WWC1: variants seen among roughly 807,000 people sequenced by gnomAD.
WWC1 encodes the protein protein KIBRA.
In WWC1, 55 loss-of-function variants were observed where a neutral mutation model predicts 138.4. The ratio of observed to expected loss-of-function variants is 0.40; its 90% CI spans 0.32 to 0.50. The LOEUF (loss-of-function observed/expected upper bound fraction) is 0.50, where lower values mean the gene tolerates loss of function less well. WWC1 is among the 20% of genes least tolerant of loss of function. The pLI, the probability that WWC1 is intolerant of heterozygous loss-of-function variation, is 0.72. For missense variants in WWC1, 1,226 were observed against 1,420.4 expected (o/e 0.86, Z 2.20); for synonymous variants, 524 against 564.9 (o/e 0.93, Z 1.03).
chr5:168,404,089 G>C (rs1363650277), intron 5 of WWC1, among the ~76,000 whole-genome samples: 1 of 152,126 alleles, frequency 6.6e-6, no homozygotes, highest in East Asian at 1.9e-4. Flanking sequence ...ATCAGGTAGA[G>C]GCTGTTGGAG....
intron 1 of WWC1, among the ~76,000 whole-genome samples, chr5:168,367,541 G>A (rs1163198669): frequency 1.1e-5 from 1 of 89,726 alleles, no homozygotes; most frequent in African/African-American, 3.8e-5. Context: ...CCGTGGTCTC[G>A]ATCTCCTGAC....
intron 2 of WWC1, 21 bp downstream of exon 2, chr5:168,371,554 C>T (rs375997581): frequency 2.9e-5 from 46 of 1,582,460 alleles, no homozygotes; most frequent in Non-Finnish European, 4.0e-5. Context: ...GACGGTCCTC[C>T]CTTCCCTGTG....
chr5:168,348,262 G>A (rs1376670343), intron 1 of WWC1, among the ~76,000 whole-genome samples: 9 of 152,192 alleles, frequency 5.9e-5, no homozygotes, highest in African/African-American at 2.2e-4. Context: ...GTGTGTGCAC[G>A]GGTGTGTGCA....
rs1279932312 is a variant in WWC1 at position 168,423,820 on chromosome 5, T to C, written c.1562T>C (p.Leu521Pro). 6.2e-7 allele frequency: 1 copy of C among 1,614,176 alleles called. No homozygotes were observed. The highest frequency in any genetic ancestry group is 1.1e-5 in the South Asian group (1 of 91,082). The change falls in exon 11 of 23, where the codon CTG (leucine) becomes CCG (proline). Residue 521 changes from leucine (L) to proline (P), a missense_variant. By Grantham distance (98) the Leu-to-Pro change is moderately conservative. Transcript: ENST00000265293. The stretch of plus-strand genomic sequence containing the variant: ...GAGGGAGGTGGCCGCCTGCAGGCTC[T>C]GCGTTCCCTGTCTGGCACCCCAAAG... ...KAEGGGRLQA[L>P]RSLSGTPKSM...
intron 13 of WWC1, 99 bp from the exon 14 acceptor site, chr5:168,430,038 G>A: frequency 2.2e-6 from 2 of 896,108 alleles, no homozygotes; most frequent in Non-Finnish European, 3.5e-6. Context: ...AGGCCCCAGG[G>A]CAGCCAACAG....
At chr5:168,431,560 C>G in intron 15 of WWC1, 116 bp downstream of exon 15, 1 of 1,161,468 alleles carries the variant, frequency 8.6e-7, no homozygotes, top group South Asian at 1.7e-5. Flanking sequence ...GAAGAAGGTT[C>G]GAAGGAGACG....
chr5:168,383,476 T>C (rs1477645531), intron 2 of WWC1, among the ~76,000 whole-genome samples: 4 of 152,178 alleles, frequency 2.6e-5, no homozygotes, highest in South Asian at 2.1e-4. Context: ...GAGATGCTCA[T>C]TGGACCTGTT....
At chr5:168,402,886 G>A (rs1779412783) in intron 5 of WWC1, among the ~76,000 whole-genome samples, 1 of 152,126 alleles carries the variant, frequency 6.6e-6, no homozygotes, top group South Asian at 2.1e-4. Context: ...TGCCTACCCT[G>A]CGGCAGAACA....
chr5:168,326,286 C>T (rs370627571), intron 1 of WWC1, among the ~76,000 whole-genome samples: 63 of 143,886 alleles, frequency 4.4e-4, no homozygotes, highest in Middle Eastern at 8.3e-3. Context: ...AGCGTGATCT[C>T]GGCTCACCGC....
In WWC1 at chr5:168,471,190, T is replaced by C. The variant is rs908890097; in HGVS notation, c.*2173T>C. 6.6e-6 allele frequency: 1 copy of C among 152,338 alleles called. No individual in the cohort carries two copies. Among genetic ancestry groups the C allele is most frequent in the Non-Finnish European group, 1.5e-5 (1 of 68,184 alleles). The allele number at this position is 152,338 out of a possible 1,614,324, so 9.4% of individuals were successfully genotyped here. ...CTCCTTACCTGGCTGTCTCTCCTCA[T>C]GTATAAGGAACCTATAGTGGTGTAG... On this transcript the variant is annotated 3_prime_UTR_variant, in exon 23 of 23. Coordinates refer to ENST00000265293, the MANE Select transcript of WWC1 (RefSeq NM_015238.3).
intron 1 of WWC1, among the ~76,000 whole-genome samples, chr5:168,335,254 C>G (rs921877343): frequency 1.6e-4 from 25 of 152,276 alleles, no homozygotes; most frequent in Middle Eastern, 3.4e-3. Context: ...GTGGGTACTT[C>G]TTGGGTGCTA....
chr5:168,372,914 A>G (rs751641342), intron 2 of WWC1, among the ~76,000 whole-genome samples: 1 of 152,242 alleles, frequency 6.6e-6, no homozygotes, highest in Non-Finnish European at 1.5e-5. Flanking sequence ...CCTGTGCTAA[A>G]TAGAAAAGGG....
intron 15 of WWC1, among the ~76,000 whole-genome samples, chr5:168,431,851 C>G (rs892254548): frequency 3.9e-5 from 6 of 152,120 alleles, no homozygotes; most frequent in Non-Finnish European, 8.8e-5. Flanking sequence ...CAGAGGATCA[C>G]TCAAGTGCAG....
chr5:168,347,004 G>A (rs7723947), intron 1 of WWC1, among the ~76,000 whole-genome samples: 10,675 of 152,188 alleles, frequency 0.07, 464 homozygotes, highest in South Asian at 0.091. Context: ...ACCTGCAGCT[G>A]CTGTTTTCTG....
At chr5:168,386,524 C>T (rs2152820098) in intron 3 of WWC1, among the ~76,000 whole-genome samples, 1 of 151,228 alleles carries the variant, frequency 6.6e-6, no homozygotes, top group South Asian at 2.1e-4. Flanking sequence ...TCCAGAGTAG[C>T]TGGGACTACA....
At chr5:168,293,109 G>A (rs891096610) in intron 1 of WWC1, among the ~76,000 whole-genome samples, 2 of 152,230 alleles carry the variant, frequency 1.3e-5, no homozygotes, top group African/African-American at 4.8e-5. Flanking sequence ...GAGATAATGT[G>A]CAGAGGCAGA....
At chr5:168,404,924 A>G (rs1446866520) in intron 5 of WWC1, among the ~76,000 whole-genome samples, 3 of 150,518 alleles carry the variant, frequency 2.0e-5, no homozygotes, top group Non-Finnish European at 4.4e-5. Flanking sequence ...CCCCATCAAA[A>G]TGAACCTGTA....
chr5:168,356,619 C>A (rs2152795504), intron 1 of WWC1, among the ~76,000 whole-genome samples: 1 of 152,320 alleles, frequency 6.6e-6, no homozygotes, highest in Non-Finnish European at 1.5e-5. Context: ...ACCTTAGTGT[C>A]ACCTTCTTCC....
At chr5:168,418,981 C>G (rs1334574689) in intron 9 of WWC1, among the ~76,000 whole-genome samples, 2 of 152,182 alleles carry the variant, frequency 1.3e-5, no homozygotes, top group Non-Finnish European at 2.9e-5. Flanking sequence ...CAAGGCCACT[C>G]TGCCTGCTGC....
Sources: gnomAD v4.1 joint callset for allele counts (sites outside exome capture counted in the v4.1 genomes callset) on GRCh38, gnomAD v4.1.1 for gene constraint, MANE v1.5 for transcripts, NCBI Gene and HGNC (gene_info 2026-07-23, HGNC 2026-07-21) for gene names.